The following CPAP variants were observed in gnomAD, a reference collection of about 807,000 sequenced individuals.
The protein encoded by CPAP is centrosome assembly and centriole elongation protein, also known as centrosomal P4.1-associated protein.
At chr13:24,917,557 C>T in the CPAP span, among the ~76,000 whole-genome samples, 1 of 152,146 alleles carries the variant, frequency 6.6e-6, no homozygotes, top group African/African-American at 2.4e-5. Flanking sequence ...TCTGCAATCT[C>T]ATCAGTGTCA....
the CPAP span, among the ~76,000 whole-genome samples, chr13:24,910,333 C>T: frequency 2.0e-5 from 3 of 152,202 alleles, no homozygotes; most frequent in African/African-American, 7.2e-5. Flanking sequence ...AAGTGATTCT[C>T]GTGCCTCAGC....
chr13:24,900,314 G>A, the CPAP span, among the ~76,000 whole-genome samples: 4 of 152,136 alleles, frequency 2.6e-5, no homozygotes, highest in African/African-American at 9.7e-5. Flanking sequence ...GTGAGCAAAG[G>A]ATGGGTAGCA....
the CPAP span, among the ~76,000 whole-genome samples, chr13:24,900,512 G>T: frequency 6.6e-6 from 1 of 152,284 alleles, no homozygotes; most frequent in East Asian, 1.9e-4. Context: ...GCCAGGCATG[G>T]TGGCGAATGC....
chr13:24,885,719 T>C, the CPAP span: 2 of 1,303,818 alleles, frequency 1.5e-6, no homozygotes. Flanking sequence ...TAATTGAAAA[T>C]TTTATTAGTA....
the CPAP span, chr13:24,892,823 T>C: frequency 6.2e-7 from 1 of 1,613,456 alleles, no homozygotes; most frequent in Non-Finnish European, 8.5e-7. Flanking sequence ...TGGTTTCCTT[T>C]CTTTTCAAAT....
chr13:24,928,682 G>A, the CPAP span, among the ~76,000 whole-genome samples: 200 of 152,222 alleles, frequency 1.3e-3, no homozygotes, highest in Non-Finnish European at 2.3e-3. Flanking sequence ...TGCCCACCTC[G>A]GCCTCCCAAA....
chr13:24,887,618 C>T, the CPAP span, among the ~76,000 whole-genome samples: 1 of 152,152 alleles, frequency 6.6e-6, no homozygotes, highest in African/African-American at 2.4e-5. Flanking sequence ...AGGGCTCCCC[C>T]TGATTCTACA....
chr13:24,904,804 CTG>C, the CPAP span, among the ~76,000 whole-genome samples: 1 of 152,092 alleles, frequency 6.6e-6, no homozygotes, highest in Non-Finnish European at 1.5e-5. Flanking sequence ...CACCTATGCT[CTG>C]CTAGTTTATA....
chr13:24,905,686 T>A, the CPAP span: 2 of 1,614,250 alleles, frequency 1.2e-6, no homozygotes, highest in East Asian at 2.2e-5. Context: ...GACTTAGGGA[T>A]GAGGATCTCG....
chr13:24,912,920 G>C, the CPAP span: 2 of 1,614,134 alleles, frequency 1.2e-6, no homozygotes, highest in Non-Finnish European at 8.5e-7. Flanking sequence ...TCCAAAATAG[G>C]AAATCCACGA....
chr13:24,884,100 T>A, the CPAP span: 1 of 1,586,158 alleles, frequency 6.3e-7, no homozygotes, highest in Non-Finnish European at 8.6e-7. Context: ...AAAAAGTTGT[T>A]ACAGTAAATA....
the CPAP span, chr13:24,883,886 A>G: frequency 1.3e-6 from 2 of 1,574,138 alleles, no homozygotes; most frequent in South Asian, 2.2e-5. Context: ...CAGAAACGCA[A>G]GGCTGGGGCA....
At chr13:24,908,366 A>C in the CPAP span, among the ~76,000 whole-genome samples, 1 of 144,260 alleles carries the variant, frequency 6.9e-6, no homozygotes, top group African/African-American at 2.5e-5. Flanking sequence ...TGGGAGGCCA[A>C]GGCGGGAGAA....
At chr13:24,905,246 G>A in the CPAP span, 1 of 1,133,258 alleles carries the variant, frequency 8.8e-7, no homozygotes, top group Non-Finnish European at 1.3e-6. Flanking sequence ...TAATTCTATT[G>A]AGCAATAAGG....
At chr13:24,921,455 C>T in the CPAP span, among the ~76,000 whole-genome samples, 1 of 152,184 alleles carries the variant, frequency 6.6e-6, no homozygotes, top group African/African-American at 2.4e-5. Flanking sequence ...GATTCATCTC[C>T]AAATTTTTGA....
chr13:24,906,033 C>G, the CPAP span: 1 of 1,614,066 alleles, frequency 6.2e-7, no homozygotes, highest in Non-Finnish European at 8.5e-7. Context: ...CAAGGCTGTT[C>G]CCTCAATTCA....
At chr13:24,910,157 C>T in the CPAP span, 1 of 1,383,322 alleles carries the variant, frequency 7.2e-7, no homozygotes, top group Non-Finnish European at 1.0e-6. Context: ...CAGTAGTGAC[C>T]CCCACCCCAC....
At chr13:24,895,955 C>T in the CPAP span, among the ~76,000 whole-genome samples, 1 of 152,156 alleles carries the variant, frequency 6.6e-6, no homozygotes, top group African/African-American at 2.4e-5. Flanking sequence ...TATTTTTCAA[C>T]ATAACTGTAA....
At chr13:24,930,589 T>C in the CPAP span, among the ~76,000 whole-genome samples, 1 of 152,228 alleles carries the variant, frequency 6.6e-6, no homozygotes, top group Non-Finnish European at 1.5e-5. Context: ...CCTTTATTAA[T>C]TCGCTTAGAA....
Sources: allele counts gnomAD v4.1 joint callset (sites outside exome capture counted in the v4.1 genomes callset), GRCh38; gene constraint gnomAD v4.1.1; transcripts MANE v1.5; gene names NCBI Gene and HGNC (gene_info 2026-07-23, HGNC 2026-07-21).